Variants in NRXN3 observed in about 807,000 individuals in gnomAD.
NRXN3 encodes the protein neurexin 3, also known as neurexin III.
Under a neutral mutation model 137.6 loss-of-function variants are expected in NRXN3, and 32 were observed. That is an observed-to-expected ratio of 0.23 (90% CI 0.18 to 0.31). The LOEUF (loss-of-function observed/expected upper bound fraction) is 0.31, where lower values mean the gene tolerates loss of function less well. Ranked by LOEUF, NRXN3 falls within the 10% of genes least tolerant of loss-of-function variation. The pLI is 1.00. For synonymous variants in NRXN3, 798 were observed against 784.5 expected (o/e 1.02, Z -0.29); for missense variants, 1,574 against 2,062.5 (o/e 0.76, Z 4.59).
chr14:79,147,986 C>T (rs2059450576), intron 15 of NRXN3, among the ~76,000 whole-genome samples: 1 of 152,102 alleles, frequency 6.6e-6, no homozygotes, highest in Admixed American at 6.6e-5. Flanking sequence ...TGTGGTCCTT[C>T]TACTTTCCTG....
intron 20 of NRXN3, among the ~76,000 whole-genome samples, chr14:79,839,548 C>T (rs1331450598): frequency 6.6e-6 from 1 of 152,046 alleles, no homozygotes; most frequent in Non-Finnish European, 1.5e-5. Flanking sequence ...GTTATTAATC[C>T]CTTGTTAAAT....
chr14:79,056,775 T>G (rs1188525775), intron 15 of NRXN3, among the ~76,000 whole-genome samples: 1 of 152,048 alleles, frequency 6.6e-6, no homozygotes, highest in East Asian at 1.9e-4. Flanking sequence ...TACAAATAAG[T>G]GAGATGGACA....
At chr14:79,286,535 A>AAT (rs111827205) in intron 15 of NRXN3, among the ~76,000 whole-genome samples, 45,182 of 139,314 alleles carry the variant, frequency 0.32, 7,272 homozygotes, top group East Asian at 0.56. Flanking sequence ...TTGAGAGAAT[A>AAT]ATATATATAT....
intron 6 of NRXN3, among the ~76,000 whole-genome samples, chr14:78,673,399 A>G (rs965025407): frequency 1.3e-5 from 2 of 152,178 alleles, no homozygotes; most frequent in Admixed American, 6.5e-5. Flanking sequence ...TCAAGCCACT[A>G]TTGATGCCAG....
chr14:78,891,708 C>T (rs1281973713), intron 10 of NRXN3, among the ~76,000 whole-genome samples: 1 of 151,902 alleles, frequency 6.6e-6, no homozygotes, highest in Non-Finnish European at 1.5e-5. Context: ...ATAGCATATT[C>T]ATATTTTCCT....
intron 16 of NRXN3, among the ~76,000 whole-genome samples, chr14:79,534,920 T>C (rs2097198608): frequency 6.6e-6 from 1 of 152,196 alleles, no homozygotes; most frequent in Non-Finnish European, 1.5e-5. Flanking sequence ...TCCTGTGGTC[T>C]GACATCCTGT....
intron 19 of NRXN3, among the ~76,000 whole-genome samples, chr14:79,739,907 A>G (rs1245894157): frequency 6.6e-6 from 1 of 152,128 alleles, no homozygotes; most frequent in Non-Finnish European, 1.5e-5. Flanking sequence ...ATCCTTTTCC[A>G]TGCTATCACT....
At chr14:78,625,182 T>A (rs2097445760) in intron 4 of NRXN3, among the ~76,000 whole-genome samples, 1 of 152,216 alleles carries the variant, frequency 6.6e-6, no homozygotes, top group Admixed American at 6.5e-5. Context: ...ACTAGGGACA[T>A]CTCCAAGTTT....
chr14:79,365,725 C>CAAAAAAAA (rs569855024), intron 15 of NRXN3, among the ~76,000 whole-genome samples: 209 of 42,192 alleles, frequency 5.0e-3, no homozygotes, highest in Non-Finnish European at 5.8e-3. Context: ...GACTCTGTCT[C>CAAAAAAAA]AAAAAAAAAA....
intron 4 of NRXN3, among the ~76,000 whole-genome samples, chr14:78,370,019 C>T (rs895809791): frequency 4.9e-4 from 75 of 151,988 alleles, no homozygotes; most frequent in African/African-American, 1.7e-3. Flanking sequence ...ATTTGAGGTT[C>T]GTCTTTTTCC....
chr14:79,702,431 G>A lies in NRXN3; in HGVS notation c.4014+4494G>A, dbSNP rs77804624. Among the ~76,000 whole-genome samples the A allele has an allele frequency of 2.2e-3, 332 of 152,068 alleles. 1 individual carries two copies. Among genetic ancestry groups the A allele is most frequent in the African/African-American group, 7.8e-3 (323 of 41,524 alleles). ...AGTGTTGCATGGTGTGGCTTGACTG[G>A]ATCTCATGCACTCATTCTACTAGGC... On this transcript the variant is annotated intron_variant, in intron 19 of 20. Coordinates refer to ENST00000335750, the MANE Select transcript of NRXN3 (RefSeq NM_001330195.2).
intron 4 of NRXN3, among the ~76,000 whole-genome samples, chr14:78,580,372 C>G (rs1246020698): frequency 3.3e-5 from 5 of 152,182 alleles, no homozygotes. Flanking sequence ...CTGCTCAGCA[C>G]TTATCCTAAG....
intron 19 of NRXN3, among the ~76,000 whole-genome samples, chr14:79,709,333 C>CAAAGT (rs971822741): frequency 1.1e-4 from 17 of 152,054 alleles, no homozygotes; most frequent in African/African-American, 3.9e-4. Flanking sequence ...TTTGTTAACC[C>CAAAGT]AAAGTATTAA....
At chr14:79,388,418 A>G (rs909850534) in intron 15 of NRXN3, among the ~76,000 whole-genome samples, 5 of 152,010 alleles carry the variant, frequency 3.3e-5, no homozygotes, top group Non-Finnish European at 7.4e-5. Flanking sequence ...CTATTAGCAG[A>G]TGATTTGTGC....
At chr14:79,389,795 C>G (rs1183453074) in intron 15 of NRXN3, among the ~76,000 whole-genome samples, 1 of 152,154 alleles carries the variant, frequency 6.6e-6, no homozygotes, top group African/African-American at 2.4e-5. Context: ...GTCTGTCTCT[C>G]TCTCTCTGAT....
chr14:78,598,497 G>A (rs2097176520), intron 4 of NRXN3, among the ~76,000 whole-genome samples: 1 of 152,220 alleles, frequency 6.6e-6, no homozygotes. Flanking sequence ...GGACGCTCCT[G>A]CCTCTTCTGC....
chr14:78,454,882 G>A (rs752791025), intron 4 of NRXN3, among the ~76,000 whole-genome samples: 10 of 152,180 alleles, frequency 6.6e-5, no homozygotes, highest in Middle Eastern at 3.2e-3. Flanking sequence ...ACTGGAAAGC[G>A]GAGCAAGGAC....
At chr14:79,443,262 AT>A (rs961688832) in intron 15 of NRXN3, among the ~76,000 whole-genome samples, 12 of 152,178 alleles carry the variant, frequency 7.9e-5, no homozygotes, top group Non-Finnish European at 1.5e-4. Context: ...ATTTATTGAG[AT>A]TTTTTTATGA....
At position 78,618,230 on chromosome 14, in the gene NRXN3, G is replaced by A. The variant is rs190358877; in HGVS notation, c.758-26890G>A. ...CACTTAATGCACATAAGCTTCTCCAGGCCACCACTTACAGAGTTGTGCTAT... is the reference window on the plus strand; with the variant it reads ...CACTTAATGCACATAAGCTTCTCCAAGCCACCACTTACAGAGTTGTGCTAT... On this transcript the variant is annotated intron_variant, in intron 4 of 20. Transcript: ENST00000335750. Among the ~76,000 whole-genome samples, 4 of 151,380 alleles carry A rather than the reference G, an allele frequency of 2.6e-5. No individual in the cohort carries two copies. In the East Asian group the frequency reaches 5.8e-4, roughly 22 times the overall value.
Sources: allele counts gnomAD v4.1 joint callset (sites outside exome capture counted in the v4.1 genomes callset), GRCh38; gene constraint gnomAD v4.1.1; transcripts MANE v1.5; gene names NCBI Gene and HGNC (gene_info 2026-07-23, HGNC 2026-07-21).